The following ILDR1 variants were observed in gnomAD, a reference collection of about 807,000 sequenced individuals.
ILDR1 encodes the protein immunoglobulin like domain containing receptor 1, also known as immunoglobulin-like domain-containing receptor 1.
Under a neutral mutation model 62.4 loss-of-function variants are expected in ILDR1, and 56 were observed. The ratio of observed to expected loss-of-function variants is 0.90; its 90% confidence interval spans 0.72 to 1.12. ILDR1 has a LOEUF of 1.12. Ranked by LOEUF, ILDR1 falls within the 50% of genes most tolerant of loss-of-function variation. The probability of loss-of-function intolerance (pLI) is 0.00; values close to 1 mark genes in which losing one functional copy is unlikely to be tolerated. For synonymous variants in ILDR1, 284 were observed against 277.8 expected, an observed-to-expected ratio of 1.02 and a Z score of -0.22; for missense variants, 736 against 710.6, an observed-to-expected ratio of 1.04 and a Z score of -0.41.
At chr3:122,006,640 T>C (rs1221223609) in intron 2 of ILDR1, among the ~76,000 whole-genome samples, 1 of 149,724 alleles carries the variant, frequency 6.7e-6, no homozygotes, top group Non-Finnish European at 1.5e-5. Flanking sequence ...CATTCTAAGG[T>C]GGTGGGGGTG....
the ILDR1 span, among the ~76,000 whole-genome samples, chr3:122,043,103 G>T: frequency 9.6e-5 from 13 of 135,590 alleles, no homozygotes; most frequent in Non-Finnish European, 1.6e-4. Context: ...TAAGGTGTAA[G>T]GAAGGGATCC....
At chr3:122,008,591 T>C (rs1197551119) in intron 1 of ILDR1, among the ~76,000 whole-genome samples, 1 of 61,888 alleles carries the variant, frequency 1.6e-5, no homozygotes, top group African/African-American at 4.5e-5. Context: ...TTCTTTTCTT[T>C]TCTTTTTTTT....
At chr3:122,034,492 T>C in the ILDR1 span, among the ~76,000 whole-genome samples, 9 of 152,184 alleles carry the variant, frequency 5.9e-5, no homozygotes, top group Non-Finnish European at 1.2e-4. Flanking sequence ...GACCAGAGCA[T>C]TTTATTACCT....
At chr3:121,999,656 G>T (rs57138192) in intron 5 of ILDR1, among the ~76,000 whole-genome samples, 4 of 152,134 alleles carry the variant, frequency 2.6e-5, no homozygotes, top group Non-Finnish European at 5.9e-5. Flanking sequence ...TTTGAGATAA[G>T]AAATACAAAT....
At chr3:122,006,774 A>T (rs1161064578) in intron 2 of ILDR1, among the ~76,000 whole-genome samples, 2 of 152,124 alleles carry the variant, frequency 1.3e-5, no homozygotes, top group Non-Finnish European at 2.9e-5. Flanking sequence ...AGCAGGAAAA[A>T]ATTTTAAAAT....
chr3:122,051,777 G>A, the ILDR1 span, among the ~76,000 whole-genome samples: 2 of 152,070 alleles, frequency 1.3e-5, no homozygotes. Flanking sequence ...TTTACCAGCC[G>A]GCTTTGTACT....
chr3:122,023,920 T>G (rs1185261446), upstream of ILDR1, among the ~76,000 whole-genome samples: 1 of 152,082 alleles, frequency 6.6e-6, no homozygotes, highest in Admixed American at 6.5e-5. Flanking sequence ...TCTGTGATCC[T>G]GAGGGATTTG....
chr3:122,036,710 A>G, the ILDR1 span, among the ~76,000 whole-genome samples: 1 of 152,226 alleles, frequency 6.6e-6, no homozygotes, highest in Non-Finnish European at 1.5e-5. Context: ...AGGAATTTGC[A>G]TAAGTAAAGA....
intron 1 of ILDR1, among the ~76,000 whole-genome samples, chr3:122,008,465 C>T (rs1446985610): frequency 6.6e-6 from 1 of 152,158 alleles, no homozygotes; most frequent in Non-Finnish European, 1.5e-5. Context: ...CTTGAGTATG[C>T]ATCACCAGAG....
At chr3:122,024,452 A>C (rs1356942588), upstream of ILDR1, among the ~76,000 whole-genome samples, 1 of 152,232 alleles carries the variant, frequency 6.6e-6, no homozygotes, top group African/African-American at 2.4e-5. Context: ...TCTCAAGTGC[A>C]TTAGAATTAG....
rs138335629 is a variant in ILDR1 at position 121,988,006 on chromosome 3, G to A, written c.*361C>T. 1.1e-4 allele frequency: 39 copies of A among 367,768 alleles called. No individual in the cohort carries two copies. Among genetic ancestry groups the A allele is most frequent in the African/African-American group, 4.9e-4 (23 of 47,128 alleles). The allele number at this position is 367,768 out of a possible 1,614,324, so 22.8% of individuals were successfully genotyped here. On this transcript the variant is annotated 3_prime_UTR_variant, in exon 8 of 8. Transcript: ENST00000344209. ...TGGCTCATTGCAGCCTTGCACTCCT[G>A]GGCTCAAGGGATCCTTCTGCCTCAG...
Position 121,993,927 on chromosome 3 carries a change from C to A in ILDR1, c.822G>T (p.Gln274His). 1 of 1,613,280 alleles carries A rather than the reference C, an allele frequency of 6.2e-7. No individual in the cohort carries two copies. Among genetic ancestry groups the A allele is most frequent in the South Asian group, 1.1e-5 (1 of 91,062 alleles). The change falls in exon 7 of 8, where the codon CAG (glutamine) becomes CAT (histidine). Residue 274 changes from glutamine (Q) to histidine (H), a missense_variant. Coordinates refer to ENST00000344209, the MANE Select transcript of ILDR1 (RefSeq NM_001199799.2). Reference protein sequence around the residue: ...PSSLPQMPMTQTTNQPPIANG... With the variant: ...PSSLPQMPMTHTTNQPPIANG... The stretch of plus-strand genomic sequence containing the variant: ...TGGCGATGGGAGGCTGATTGGTGGT[C>A]TGGGTCATTGGCATCTGCGGGAGGC...
chr3:122,039,031 C>G, the ILDR1 span, among the ~76,000 whole-genome samples: 2 of 150,474 alleles, frequency 1.3e-5, no homozygotes, highest in Non-Finnish European at 3.0e-5. Context: ...AATAGGTCAA[C>G]AGAAATTACA....
At chr3:122,022,432 TC>T (rs2071876111), upstream of ILDR1, among the ~76,000 whole-genome samples, 1 of 152,218 alleles carries the variant, frequency 6.6e-6, no homozygotes, top group South Asian at 2.1e-4. Context: ...CTCCAGAAGT[TC>T]TCGGGAAATC....
At chr3:122,032,164 T>C in the ILDR1 span, among the ~76,000 whole-genome samples, 1 of 152,238 alleles carries the variant, frequency 6.6e-6, no homozygotes, top group Non-Finnish European at 1.5e-5. Flanking sequence ...AACCACCATT[T>C]TGACTTCTTA....
chr3:122,041,817 C>A, the ILDR1 span, among the ~76,000 whole-genome samples: 1 of 150,814 alleles, frequency 6.6e-6, no homozygotes, highest in African/African-American at 2.4e-5. Context: ...CTGGTGGAAT[C>A]TTTAGAGCTT....
At position 122,007,039 on chromosome 3, in the gene ILDR1, G is replaced by A. The variant is rs148962924; in HGVS notation, c.181C>T (p.Arg61Cys). Residue 61 changes from arginine (R) to cysteine (C), a missense_variant, in exon 2 of 8, where the codon CGC becomes TGC. By Grantham distance (180) the Arg-to-Cys change is radical. Transcript: ENST00000344209. ...GGGTCCTTGCAGAAGGACTTGAAGC[G>A]CCATGTCACCACCACGTCCTGGAGC... The part of the protein sequence containing the change: ...AQLQDVVVTW[R>C]FKSFCKDPIF... 166 of 1,613,708 alleles carry A rather than the reference G, an allele frequency of 1.0e-4. No homozygotes were observed. Among genetic ancestry groups the A allele is most frequent in the South Asian group, 3.3e-4 (30 of 91,044 alleles).
intron 1 of ILDR1, among the ~76,000 whole-genome samples, chr3:122,019,405 C>T (rs1174985641): frequency 2.0e-5 from 3 of 151,962 alleles, no homozygotes; most frequent in African/African-American, 7.3e-5. Flanking sequence ...GCATACATGT[C>T]ACAATGTACT....
chr3:122,007,389 C>T (rs2071631702), intron 1 of ILDR1: 2 of 802,318 alleles, frequency 2.5e-6, no homozygotes, highest in South Asian at 3.4e-5. Flanking sequence ...GAGGAAAACT[C>T]CCAGGAATTT....
Sources: gnomAD v4.1 joint callset for allele counts (sites outside exome capture counted in the v4.1 genomes callset) on GRCh38, gnomAD v4.1.1 for gene constraint, MANE v1.5 for transcripts, NCBI Gene and HGNC (gene_info 2026-07-23, HGNC 2026-07-21) for gene names.